The following PTTG1IP variants were observed in gnomAD, a reference collection of about 807,000 sequenced individuals.
PTTG1IP encodes PTTG1 interacting protein.
In PTTG1IP, 16 loss-of-function variants were observed where a neutral mutation model predicts 24.4. That is an observed-to-expected ratio of 0.66 (90% CI 0.44 to 1.00). The LOEUF (loss-of-function observed/expected upper bound fraction) is 1.00, where lower values mean the gene tolerates loss of function less well. Ranked by LOEUF, PTTG1IP falls within the 50% of genes least tolerant of loss-of-function variation. PTTG1IP has a pLI of 0.00. For synonymous variants in PTTG1IP, 89 were observed against 96.8 expected (o/e 0.92, Z 0.47); for missense variants, 241 against 245.8 (o/e 0.98, Z 0.13).
At chr21:44,863,239 G>A (rs1165617626) in intron 2 of PTTG1IP, among the ~76,000 whole-genome samples, 4 of 125,054 alleles carry the variant, frequency 3.2e-5, no homozygotes, top group African/African-American at 6.7e-5. Flanking sequence ...CACGGCCTCA[G>A]CAGCAGAGAC....
At chr21:44,852,754 G>A (rs2083420453) in intron 5 of PTTG1IP, among the ~76,000 whole-genome samples, 1 of 152,166 alleles carries the variant, frequency 6.6e-6, no homozygotes, top group Non-Finnish European at 1.5e-5. Flanking sequence ...ACTCGCTCCT[G>A]AGTCTACTTC....
At chr21:44,865,674 T>C (rs1470296062) in intron 1 of PTTG1IP, 2 of 604,852 alleles carry the variant, frequency 3.3e-6, no homozygotes, top group Non-Finnish European at 5.9e-6. Context: ...ACAAAGAGTA[T>C]AAACATGCGG....
chr21:44,851,766 A>G (rs922118379), intron 5 of PTTG1IP, 139 bp from the exon 6 acceptor site: 3 of 1,026,326 alleles, frequency 2.9e-6, no homozygotes, highest in Middle Eastern at 2.7e-4. Flanking sequence ...GCTCTCATAC[A>G]GTGCTTAACC....
At chr21:44,857,813 T>TGA (rs984283988) in intron 3 of PTTG1IP, among the ~76,000 whole-genome samples, 43 of 152,378 alleles carry the variant, frequency 2.8e-4, no homozygotes, top group African/African-American at 9.6e-4. Context: ...AAATGCCTTT[T>TGA]GAGCTTTTAA....
chr21:44,865,600 C>A (rs1569326069), intron 1 of PTTG1IP, 153 bp from the exon 2 acceptor site: 1 of 736,332 alleles, frequency 1.4e-6, no homozygotes, highest in Admixed American at 2.1e-5. Context: ...TGAGCCCCTG[C>A]TGATAACAAG....
At chr21:44,865,362 G>C in intron 2 of PTTG1IP, 33 bp downstream of exon 2, 1 of 1,607,686 alleles carries the variant, frequency 6.2e-7, no homozygotes, top group Non-Finnish European at 8.5e-7. Context: ...CGGTCTGGAC[G>C]GCACTCTGGT....
rs189754175 is a variant in PTTG1IP, at chr21:44,856,541, C to T, written c.278-177G>A. ...AGAGCCTGTGGCCCTGCCTCCACCCCACAGGGTCCCGCCCTCTCCAAGTCT... is the reference window on the plus strand; with the variant it reads ...AGAGCCTGTGGCCCTGCCTCCACCCTACAGGGTCCCGCCCTCTCCAAGTCT... On this transcript the variant is annotated intron_variant, in intron 3 of 5. Coordinates refer to ENST00000330938, the MANE Select transcript of PTTG1IP (RefSeq NM_004339.4). Among the ~76,000 whole-genome samples, 6 of 152,344 alleles carry T rather than the reference C, an allele frequency of 3.9e-5. No individual in the cohort carries two copies. The East Asian group carries it at 1.2e-3, about 29-fold the overall frequency.
intron 3 of PTTG1IP, among the ~76,000 whole-genome samples, 185 bp downstream of exon 3, chr21:44,860,978 A>G (rs1202337625): frequency 6.6e-6 from 1 of 151,884 alleles, no homozygotes; most frequent in Non-Finnish European, 1.5e-5. Context: ...TAATTTTTGT[A>G]TTTTTAATAG....
intron 2 of PTTG1IP, 55 bp from the exon 3 acceptor site, chr21:44,861,326 T>C (rs1234328881): frequency 1.4e-6 from 2 of 1,478,290 alleles, no homozygotes; most frequent in East Asian, 4.5e-5. Context: ...ACCAAAGAAC[T>C]GTCCAGGCTC....
At chr21:44,871,564 T>C (rs1006976444) in intron 1 of PTTG1IP, among the ~76,000 whole-genome samples, 10 of 152,176 alleles carry the variant, frequency 6.6e-5, no homozygotes, top group African/African-American at 2.4e-4. Flanking sequence ...TGGATTTGGA[T>C]TGGTATAATG....
At chr21:44,861,052 T>C (rs766372812) in intron 3 of PTTG1IP, 111 bp downstream of exon 3, 50 of 815,068 alleles carry the variant, frequency 6.1e-5, no homozygotes, top group Non-Finnish European at 8.5e-5. Context: ...TCCACCCGCC[T>C]CCGCCTCCCA....
At chr21:44,853,282 C>T (rs13052639) in intron 5 of PTTG1IP, among the ~76,000 whole-genome samples, 57 of 152,148 alleles carry the variant, frequency 3.7e-4, no homozygotes, top group African/African-American at 1.3e-3. Flanking sequence ...CCGAGGCGGG[C>T]GGATCACGAG....
intron 1 of PTTG1IP, among the ~76,000 whole-genome samples, chr21:44,871,451 T>A (rs1001483014): frequency 1.3e-5 from 2 of 152,220 alleles, no homozygotes; most frequent in African/African-American, 4.8e-5. Context: ...AAAAGCCCTA[T>A]CCAGGTTTAA....
intron 2 of PTTG1IP, chr21:44,862,075 C>G (rs1363996957): frequency 1.8e-5 from 10 of 555,520 alleles, no homozygotes; most frequent in Non-Finnish European, 3.3e-5. Flanking sequence ...AACACCATCA[C>G]ACCCGTGTGT....
At chr21:44,867,498 A>G (rs1424565963) in intron 1 of PTTG1IP, among the ~76,000 whole-genome samples, 7 of 152,204 alleles carry the variant, frequency 4.6e-5, no homozygotes. Flanking sequence ...ATGTGGGTGT[A>G]ACTCACTGAA....
At chr21:44,853,249 T>C (rs573869867) in intron 5 of PTTG1IP, among the ~76,000 whole-genome samples, 8 of 152,314 alleles carry the variant, frequency 5.3e-5, no homozygotes, top group African/African-American at 1.9e-4. Flanking sequence ...GGCTCATGCC[T>C]ATAATCCCAG....
intron 4 of PTTG1IP, among the ~76,000 whole-genome samples, chr21:44,855,687 G>A (rs920216734): frequency 5.3e-5 from 8 of 152,080 alleles, no homozygotes; most frequent in Admixed American, 2.6e-4. Context: ...ACCCTCGCCC[G>A]CCGCCAACCT....
chr21:44,861,633 C>CT (rs1413931107), intron 2 of PTTG1IP: 1 of 690,586 alleles, frequency 1.4e-6, no homozygotes, highest in Non-Finnish European at 2.7e-6. Flanking sequence ...CTGGAGCACT[C>CT]TCCCCACATC....
intron 1 of PTTG1IP, among the ~76,000 whole-genome samples, chr21:44,871,266 T>C (rs750173545): frequency 8.5e-5 from 13 of 152,152 alleles, no homozygotes; most frequent in Non-Finnish European, 1.8e-4. Flanking sequence ...GAACTCCACA[T>C]CAGGAGTCCC....
Sources: allele counts gnomAD v4.1 joint callset (sites outside exome capture counted in the v4.1 genomes callset), GRCh38; gene constraint gnomAD v4.1.1; transcripts MANE v1.5; gene names NCBI Gene and HGNC (gene_info 2026-07-23, HGNC 2026-07-21).